Variants in PRUNE2 observed in about 807,000 individuals in gnomAD.
The protein encoded by PRUNE2 is protein prune homolog 2.
Under a neutral mutation model 252.0 loss-of-function variants are expected in PRUNE2, and 164 were observed. That is an observed-to-expected ratio of 0.65 (90% confidence interval 0.57 to 0.74). The LOEUF (loss-of-function observed/expected upper bound fraction) is 0.74, where lower values mean the gene tolerates loss of function less well. Among genes scored for constraint, PRUNE2 ranks in the 30% least tolerant of loss-of-function variants. PRUNE2 has a pLI of 0.00. For synonymous variants in PRUNE2, 1,292 were observed against 1,350.2 expected, an observed-to-expected ratio of 0.96 and a Z score of 0.94; for missense variants, 3,495 against 3,711.0, an observed-to-expected ratio of 0.94 and a Z score of 1.51.
At chr9:76,762,213 TACA>T (rs1286955980) in intron 6 of PRUNE2, among the ~76,000 whole-genome samples, 1 of 152,250 alleles carries the variant, frequency 6.6e-6, no homozygotes. Flanking sequence ...CCCTGAGTTC[TACA>T]ACAACCATTA....
chr9:76,828,751 C>T (rs1184064939), intron 4 of PRUNE2, among the ~76,000 whole-genome samples: 1 of 152,188 alleles, frequency 6.6e-6, no homozygotes, highest in Non-Finnish European at 1.5e-5. Flanking sequence ...CGCAGCGGCT[C>T]ATGCCTGTAA....
At chr9:76,713,962 T>A (rs111793522) in intron 6 of PRUNE2, among the ~76,000 whole-genome samples, 1 of 152,194 alleles carries the variant, frequency 6.6e-6, no homozygotes, top group Non-Finnish European at 1.5e-5. Flanking sequence ...AATAATAGTT[T>A]AGACAAAGAA....
In PRUNE2 at chr9:76,709,469, AACTAGG is replaced by A; in HGVS notation, c.2799_2804del (p.Leu934_Val935del). 1.2e-6 allele frequency: 2 copies of A among 1,614,034 alleles called. No homozygotes were observed. Among genetic ancestry groups the A allele is most frequent in the Middle Eastern group, 1.6e-4 (1 of 6,062 alleles). The stretch of plus-strand genomic sequence containing the variant: ...AAGATAAGAAGGAATCTTCCCAAGG[AACTAGG>A]ACATCTGACCCTCCTTTCTTCATAT... On this transcript the variant is annotated inframe_deletion, in exon 8 of 19. Transcript: ENST00000376718.
chr9:76,729,444 T>G (rs1167006722), intron 6 of PRUNE2, among the ~76,000 whole-genome samples: 2 of 152,164 alleles, frequency 1.3e-5, no homozygotes, highest in African/African-American at 2.4e-5. Context: ...CAGGTTCCTA[T>G]CTGTCAAAAA....
At chr9:76,807,049 TGTGC>T (rs916652087) in intron 6 of PRUNE2, among the ~76,000 whole-genome samples, 2 of 132,098 alleles carry the variant, frequency 1.5e-5, no homozygotes, top group African/African-American at 5.3e-5. Context: ...TGTGTGTGTG[TGTGC>T]GCGCGCGCGT....
chr9:76,855,082 A>AAAAAAAAAATATATATAT (rs1490285240), intron 1 of PRUNE2, among the ~76,000 whole-genome samples: 1 of 109,414 alleles, frequency 9.1e-6, no homozygotes, highest in African/African-American at 3.9e-5. Flanking sequence ...AAAAAAAAAA[A>AAAAAAAAAATATATATAT]ATATATATAT....
intron 4 of PRUNE2, among the ~76,000 whole-genome samples, chr9:76,843,409 C>T (rs186061016): frequency 8.5e-5 from 13 of 152,206 alleles, no homozygotes; most frequent in Admixed American, 7.8e-4. Flanking sequence ...CACCATGGCA[C>T]GTGTATACCT....
intron 18 of PRUNE2, among the ~76,000 whole-genome samples, chr9:76,615,479 C>A (rs7865889): frequency 2.6e-4 from 39 of 152,058 alleles, no homozygotes; most frequent in Non-Finnish European, 5.0e-4. Flanking sequence ...AAGCCACTGG[C>A]AACTCACGCT....
At chr9:76,819,222 C>G (rs1204457687) in intron 6 of PRUNE2, 4 of 152,076 alleles carry the variant, frequency 2.6e-5, no homozygotes, top group Non-Finnish European at 4.4e-5. Flanking sequence ...CGCACTACAG[C>G]CTGGGCAACA....
chr9:76,906,034 A>G lies in PRUNE2; in HGVS notation c.-71T>C. The G allele has an allele frequency of 1.9e-6, 3 of 1,553,054 alleles. No homozygotes were observed. Among genetic ancestry groups the G allele is most frequent in the Non-Finnish European group, 2.7e-6 (3 of 1,125,910 alleles). ...GGAAAATCTCGGCCCAAGGAAGACG[A>G]GCGGGGTCCCGGGAAAGTGGCCCGC... is the stretch of plus-strand genomic sequence containing the variant. On this transcript the variant is annotated 5_prime_UTR_variant, in exon 1 of 19. Transcript: ENST00000376718.
At chr9:76,825,944 T>C (rs1041864014) in intron 5 of PRUNE2, among the ~76,000 whole-genome samples, 3 of 152,344 alleles carry the variant, frequency 2.0e-5, no homozygotes, top group South Asian at 2.1e-4. Flanking sequence ...TGAAATCCCA[T>C]TGTGCTTGAT....
intron 6 of PRUNE2, among the ~76,000 whole-genome samples, chr9:76,775,545 C>A (rs868615071): frequency 1.6e-4 from 25 of 152,156 alleles, no homozygotes; most frequent in African/African-American, 6.0e-4. Flanking sequence ...AAGCAATCTG[C>A]CTGCCTCAGC....
chr9:76,636,499 T>C lies in PRUNE2; in HGVS notation c.9022A>G (p.Ile3008Val), dbSNP rs1383685116. The part of the protein sequence containing the change: ...IVHPSWFIRT[I>V]LAVTRPFISS... ...ATAAAAGGTCGTGTCACAGCAAGGA[T>C]TGTTCTGATGAACCAAGATGGATGA... Residue 3008 changes from isoleucine to valine, a missense_variant, in exon 15 of 19, where the codon ATC becomes GTC. Coordinates refer to ENST00000376718, the MANE Select transcript of PRUNE2 (RefSeq NM_015225.3). The C allele has an allele frequency of 6.4e-7, 1 of 1,555,220 alleles. No homozygotes were observed. Among genetic ancestry groups the C allele is most frequent in the East Asian group, 2.4e-5 (1 of 42,284 alleles).
Position 76,874,287 on chromosome 9 carries a change from G to A in PRUNE2, c.37-20079C>T, listed in dbSNP as rs138008508. ...CTCTGTTTCCTCACCTGTTACACTG[G>A]AAAACAATAATAATGATATCCTGTG... On this transcript the variant is annotated intron_variant, in intron 1 of 18. Transcript: ENST00000376718. Among the ~76,000 whole-genome samples the A allele has an allele frequency of 5.4e-3, 820 of 152,196 alleles. 5 individuals carry two copies. The highest frequency in any genetic ancestry group is 0.019 in the African/African-American group (777 of 41,522).
At chr9:76,659,647 T>C (rs1850533213) in intron 9 of PRUNE2, among the ~76,000 whole-genome samples, 1 of 152,114 alleles carries the variant, frequency 6.6e-6, no homozygotes, top group Non-Finnish European at 1.5e-5. Flanking sequence ...TTTGGAATAT[T>C]TGCATTATAT....
At chr9:76,659,082 C>T (rs1207334786) in intron 9 of PRUNE2, among the ~76,000 whole-genome samples, 1 of 152,216 alleles carries the variant, frequency 6.6e-6, no homozygotes, top group East Asian at 1.9e-4. Context: ...GGGGCTCGGC[C>T]AGGCTGTGTC....
chr9:76,654,922 G>C (rs753903271), intron 10 of PRUNE2, among the ~76,000 whole-genome samples: 1 of 152,176 alleles, frequency 6.6e-6, no homozygotes, highest in Non-Finnish European at 1.5e-5. Context: ...AATACAGTGA[G>C]AGTCATATAA....
At chr9:76,879,950 G>A (rs2061683988) in intron 1 of PRUNE2, among the ~76,000 whole-genome samples, 1 of 108,554 alleles carries the variant, frequency 9.2e-6, no homozygotes, top group African/African-American at 3.8e-5. Context: ...GTCTCACTCT[G>A]CCACCCAGGC....
chr9:76,883,198 A>G (rs1316508744), intron 1 of PRUNE2, among the ~76,000 whole-genome samples: 2 of 152,348 alleles, frequency 1.3e-5, no homozygotes, highest in Non-Finnish European at 2.9e-5. Context: ...CACAAAAACT[A>G]CATTGTCACT....
Sources: allele counts gnomAD v4.1 joint callset (sites outside exome capture counted in the v4.1 genomes callset), GRCh38; gene constraint gnomAD v4.1.1; transcripts MANE v1.5; gene names NCBI Gene and HGNC (gene_info 2026-07-23, HGNC 2026-07-21).